Variants in OSBPL10 observed in about 807,000 individuals in gnomAD.
The protein encoded by OSBPL10 is oxysterol-binding protein-related protein 10.
Under a neutral mutation model 81.7 loss-of-function variants are expected in OSBPL10, and 49 were observed. That is an observed-to-expected ratio of 0.60 (90% CI 0.48 to 0.76). The LOEUF (loss-of-function observed/expected upper bound fraction) is 0.76. OSBPL10 is among the 30% of genes least tolerant of loss of function. OSBPL10 has a pLI of 0.00. For synonymous variants in OSBPL10, 419 were observed against 383.6 expected, an observed-to-expected ratio of 1.09 and a Z score of -1.08; for missense variants, 923 against 987.8, an observed-to-expected ratio of 0.93 and a Z score of 0.88.
chr3:31,747,651 T>A (rs1304120862), intron 5 of OSBPL10, among the ~76,000 whole-genome samples: 2 of 152,112 alleles, frequency 1.3e-5, no homozygotes, highest in Non-Finnish European at 2.9e-5. Context: ...ACTTCTAAAA[T>A]AAAAATATAT....
intron 4 of OSBPL10, among the ~76,000 whole-genome samples, chr3:31,776,883 C>G (rs777781882): frequency 6.6e-6 from 1 of 152,026 alleles, no homozygotes; most frequent in Admixed American, 6.6e-5. Context: ...TTTCACAACA[C>G]TGTGAATACA....
chr3:31,734,558 C>T (rs73053316), intron 5 of OSBPL10, among the ~76,000 whole-genome samples: 44 of 152,032 alleles, frequency 2.9e-4, no homozygotes, highest in South Asian at 1.0e-3. Flanking sequence ...AGCAACAAGG[C>T]GAAACCCTAT....
At chr3:31,961,265 C>A (rs1292049884) in intron 1 of OSBPL10, among the ~76,000 whole-genome samples, 1 of 152,026 alleles carries the variant, frequency 6.6e-6, no homozygotes, top group Non-Finnish European at 1.5e-5. Context: ...TCACGAGTCA[C>A]CAAACAAGAA....
intron 1 of OSBPL10, among the ~76,000 whole-genome samples, chr3:31,921,993 A>G (rs1057030170): frequency 1.8e-4 from 28 of 152,344 alleles, no homozygotes; most frequent in African/African-American, 6.5e-4. Context: ...AATAAGGACT[A>G]TCCTACAATA....
chr3:31,941,335 A>T (rs1479930720), intron 1 of OSBPL10, among the ~76,000 whole-genome samples: 2 of 152,200 alleles, frequency 1.3e-5, no homozygotes, highest in African/African-American at 4.8e-5. Flanking sequence ...TGAAAGTCTT[A>T]TTGGGTAAAT....
chr3:32,056,143 A>G (rs1699710812), intron 1 of OSBPL10, among the ~76,000 whole-genome samples: 1 of 152,220 alleles, frequency 6.6e-6, no homozygotes, highest in Non-Finnish European at 1.5e-5. Context: ...GGAGAGAGAA[A>G]AATTATGTCT....
chr3:31,911,183 G>A (rs1696566278), intron 1 of OSBPL10, among the ~76,000 whole-genome samples: 1 of 152,156 alleles, frequency 6.6e-6, no homozygotes, highest in African/African-American at 2.4e-5. Context: ...TGGAAAAGGG[G>A]AAAAAGTCAA....
rs1228717371 is a variant in OSBPL10 at position 31,999,278 on chromosome 3, A to G, written n.298+47213T>C. ...ATTCCCCTATGTCAGTGATGATAAC[A>G]TGGCCCAGATTGTTTTCATTCTTTT... On this transcript the variant is annotated intron_variant and non_coding_transcript_variant, in intron 2 of 3. Coordinates refer to the OSBPL10 transcript ENST00000479173. Among the ~76,000 whole-genome samples the G allele has an allele frequency of 2.0e-5, 3 of 151,770 alleles. No homozygotes were observed. In the South Asian group the frequency reaches 6.3e-4, roughly 32 times the overall value.
chr3:31,924,918 C>A (rs1326216340), intron 1 of OSBPL10, among the ~76,000 whole-genome samples: 1 of 152,166 alleles, frequency 6.6e-6, no homozygotes, highest in Non-Finnish European at 1.5e-5. Flanking sequence ...TTCTTTTCAA[C>A]TAAAATAGTA....
intron 4 of OSBPL10, among the ~76,000 whole-genome samples, chr3:31,816,198 G>A (rs1317194969): frequency 6.6e-6 from 1 of 152,174 alleles, no homozygotes; most frequent in East Asian, 1.9e-4. Context: ...CTACGTGGAG[G>A]GATGATCAGC....
At chr3:31,721,194 A>G (rs1176119876) in intron 6 of OSBPL10, among the ~76,000 whole-genome samples, 1 of 152,202 alleles carries the variant, frequency 6.6e-6, no homozygotes, top group Non-Finnish European at 1.5e-5. Context: ...AAGCTGGGAA[A>G]GCCAAGGAAA....
intron 8 of OSBPL10, among the ~76,000 whole-genome samples, chr3:31,673,252 C>T (rs1162552562): frequency 2.6e-5 from 4 of 152,168 alleles, no homozygotes; most frequent in African/African-American, 4.8e-5. Flanking sequence ...GATCAGGACC[C>T]TTGGAGAAGA....
chr3:31,663,656 C>G, intron 11 of OSBPL10: 1 of 1,057,002 alleles, frequency 9.5e-7, no homozygotes, highest in Non-Finnish European at 1.1e-6. Flanking sequence ...AATTCTTCAT[C>G]AGTGAGGGCT....
intron 2 of OSBPL10, chr3:31,991,166 C>G (rs1397777587): frequency 1.5e-6 from 1 of 669,004 alleles, no homozygotes; most frequent in African/African-American, 1.8e-5. Flanking sequence ...GAGGATTGGG[C>G]TGGGCAGGGT....
chr3:31,700,126 TGACA>T (rs1357904229), intron 7 of OSBPL10, among the ~76,000 whole-genome samples: 1 of 139,128 alleles, frequency 7.2e-6, no homozygotes, highest in Non-Finnish European at 1.6e-5. Flanking sequence ...GGTTTTTGAA[TGACA>T]GAGTCTTCCA....
intron 4 of OSBPL10, among the ~76,000 whole-genome samples, chr3:31,791,777 C>T (rs979720657): frequency 2.0e-5 from 3 of 150,108 alleles, no homozygotes; most frequent in African/African-American, 4.9e-5. Flanking sequence ...AGGTAAGTAA[C>T]TAATTATGAT....
chr3:32,047,714 G>GTGCA (rs1244013577), intron 1 of OSBPL10, among the ~76,000 whole-genome samples: 25 of 151,532 alleles, frequency 1.6e-4, no homozygotes, highest in Admixed American at 1.6e-3. Flanking sequence ...CCAGGCTGGA[G>GTGCA]TGCAGTGGTG....
intron 2 of OSBPL10, among the ~76,000 whole-genome samples, chr3:32,013,482 A>G (rs1415553036): frequency 6.6e-6 from 1 of 152,232 alleles, no homozygotes; most frequent in Non-Finnish European, 1.5e-5. Context: ...AATGCCCACA[A>G]GAGAAAGCAG....
intron 1 of OSBPL10, among the ~76,000 whole-genome samples, chr3:31,909,849 A>AT (rs1198949664): frequency 1.3e-5 from 2 of 152,066 alleles, no homozygotes; most frequent in Non-Finnish European, 2.9e-5. Flanking sequence ...CCCTAACACC[A>AT]TTTTTTTAAA....
Sources: allele counts gnomAD v4.1 joint callset (sites outside exome capture counted in the v4.1 genomes callset), GRCh38; gene constraint gnomAD v4.1.1; transcripts MANE v1.5; gene names NCBI Gene and HGNC (gene_info 2026-07-23, HGNC 2026-07-21).